CDKAL1: variants seen among roughly 807,000 people sequenced by gnomAD.
CDKAL1 encodes CDKAL1 threonylcarbamoyladenosine tRNA methylthiotransferase.
CDKAL1 carries 32 observed loss-of-function variants against 68.2 expected under a neutral mutation model. That is an observed-to-expected ratio of 0.47 (90% CI 0.35 to 0.63). CDKAL1 has a LOEUF of 0.63. Ranked by LOEUF, CDKAL1 falls within the 30% of genes least tolerant of loss-of-function variation. The pLI is 0.00. For missense variants in CDKAL1, 606 were observed against 696.7 expected (o/e 0.87, Z 1.47); for synonymous variants, 234 against 244.3 (o/e 0.96, Z 0.39).
intron 13 of CDKAL1, among the ~76,000 whole-genome samples, chr6:21,176,055 A>G (rs1777559809): frequency 6.6e-6 from 1 of 152,222 alleles, no homozygotes; most frequent in Admixed American, 6.5e-5. Context: ...CTCCTCATGA[A>G]GAGATCTCTA....
chr6:20,963,719 A>G (rs1197965552), intron 10 of CDKAL1, among the ~76,000 whole-genome samples: 1 of 152,202 alleles, frequency 6.6e-6, no homozygotes, highest in Admixed American at 6.5e-5. Context: ...GAGGAACACA[A>G]GAACATGCCT....
chr6:21,230,502 T>C (rs763718949), intron 15 of CDKAL1, among the ~76,000 whole-genome samples: 4 of 152,170 alleles, frequency 2.6e-5, no homozygotes, highest in African/African-American at 7.2e-5. Flanking sequence ...TGAGAAGATA[T>C]GGTTGCATCT....
At chr6:20,905,216 A>G (rs144388968) in intron 9 of CDKAL1, among the ~76,000 whole-genome samples, 1 of 152,362 alleles carries the variant, frequency 6.6e-6, no homozygotes, top group African/African-American at 2.4e-5. Flanking sequence ...AACAATGTAT[A>G]AACAAACTAG....
At chr6:21,052,537 GTTTT>G (rs66607398) in intron 11 of CDKAL1, among the ~76,000 whole-genome samples, 3 of 128,406 alleles carry the variant, frequency 2.3e-5, no homozygotes, top group Non-Finnish European at 4.8e-5. Flanking sequence ...TTAATTGGTT[GTTTT>G]TTTTTTTTTT....
intron 5 of CDKAL1, among the ~76,000 whole-genome samples, chr6:20,693,389 T>C (rs951716227): frequency 3.9e-5 from 6 of 152,198 alleles, no homozygotes; most frequent in African/African-American, 1.4e-4. Context: ...AGATAATTCT[T>C]TTATTCAATT....
At chr6:20,859,813 C>G (rs1256275354) in intron 9 of CDKAL1, among the ~76,000 whole-genome samples, 1 of 152,198 alleles carries the variant, frequency 6.6e-6, no homozygotes, top group Non-Finnish European at 1.5e-5. Context: ...GCTGCACTTT[C>G]CATTCCAGAT....
intron 8 of CDKAL1, among the ~76,000 whole-genome samples, chr6:20,821,224 G>A (rs1249184624): frequency 6.6e-6 from 1 of 152,124 alleles, no homozygotes; most frequent in Non-Finnish European, 1.5e-5. Context: ...ATGACCTGAT[G>A]GAGTTTTCAG....
chr6:20,984,792 G>GCTTCTCC (rs1766353698), intron 10 of CDKAL1, among the ~76,000 whole-genome samples: 1 of 119,908 alleles, frequency 8.3e-6, no homozygotes, highest in African/African-American at 3.2e-5. Context: ...TGAGCCTGGG[G>GCTTCTCC]TTTTTATGGG....
chr6:20,697,846 A>G (rs1233280488), intron 5 of CDKAL1, among the ~76,000 whole-genome samples: 4 of 152,164 alleles, frequency 2.6e-5, no homozygotes, highest in East Asian at 1.9e-4. Context: ...AATCATTGCT[A>G]TCTCCTGGTA....
At chr6:21,192,306 C>A (rs371502961) in intron 13 of CDKAL1, among the ~76,000 whole-genome samples, 2 of 151,792 alleles carry the variant, frequency 1.3e-5, no homozygotes, top group African/African-American at 4.8e-5. Context: ...CAGGCGTGAG[C>A]CACCGCGCCC....
intron 5 of CDKAL1, among the ~76,000 whole-genome samples, chr6:20,710,364 A>G (rs1001803798): frequency 5.3e-5 from 8 of 152,178 alleles, no homozygotes; most frequent in Admixed American, 1.3e-4. Context: ...ATAGTTGCCT[A>G]CAGTGTTTAG....
intron 9 of CDKAL1, among the ~76,000 whole-genome samples, chr6:20,860,961 G>T (rs530230495): frequency 4.4e-5 from 6 of 136,378 alleles, no homozygotes; most frequent in African/African-American, 1.7e-4. Context: ...TTTAGAGAAA[G>T]CGTAAGCGTA....
rs2150932836 is a variant in CDKAL1 at position 21,065,217 on chromosome 6, C to T, written c.1225C>T (p.Pro409Ser). The change falls in exon 12 of 16, where the codon CCA (proline) becomes TCA (serine). Residue 409 changes from proline (P) to serine (S), a missense_variant. Physicochemically the swap from Pro to Ser is moderately conservative, Grantham distance 74. Coordinates refer to ENST00000274695, the MANE Select transcript of CDKAL1 (RefSeq NM_017774.3). The stretch of plus-strand genomic sequence containing the variant: ...TCCTGCTGCAAAAATGGAACAAGTT[C>T]CAGCACAAGTGGTAAGATCTTTTTC... ...GTPAAKMEQV[P>S]AQVKKQRTKD... 6.2e-7 allele frequency: 1 copy of T among 1,606,020 alleles called. No homozygotes were observed. Among genetic ancestry groups the T allele is most frequent in the African/African-American group, 1.3e-5 (1 of 74,664 alleles).
chr6:20,929,556 A>C (rs981160283), intron 9 of CDKAL1, among the ~76,000 whole-genome samples: 1 of 152,228 alleles, frequency 6.6e-6, no homozygotes, highest in African/African-American at 2.4e-5. Flanking sequence ...ATTTGACGTT[A>C]CTGCCAGTGA....
intron 9 of CDKAL1, among the ~76,000 whole-genome samples, chr6:20,911,094 A>C (rs6456385): frequency 0.62 from 94,625 of 152,170 alleles, 29,695 homozygotes; most frequent in African/African-American, 0.71. Context: ...ATGTAATGCA[A>C]ACTAATAGCC....
intron 5 of CDKAL1, among the ~76,000 whole-genome samples, chr6:20,698,702 T>A (rs532372299): frequency 6.6e-6 from 1 of 152,170 alleles, no homozygotes; most frequent in African/African-American, 2.4e-5. Flanking sequence ...ACTAAACAAC[T>A]TTATTTTTAA....
chr6:20,860,854 A>C (rs1484252000), intron 9 of CDKAL1, among the ~76,000 whole-genome samples: 1 of 151,988 alleles, frequency 6.6e-6, no homozygotes, highest in Non-Finnish European at 1.5e-5. Context: ...GAATGAATAC[A>C]TGAATAAAAA....
At chr6:21,227,022 A>G (rs1444340689) in intron 15 of CDKAL1, among the ~76,000 whole-genome samples, 1 of 152,226 alleles carries the variant, frequency 6.6e-6, no homozygotes, top group Non-Finnish European at 1.5e-5. Flanking sequence ...TTGTTTTAAT[A>G]AGCAATAACA....
intron 11 of CDKAL1, among the ~76,000 whole-genome samples, chr6:21,033,005 GC>G (rs1769381608): frequency 6.6e-6 from 1 of 152,162 alleles, no homozygotes; most frequent in Non-Finnish European, 1.5e-5. Flanking sequence ...AGAGAAAGGT[GC>G]AGTCCAAGTG....
Sources: gnomAD v4.1 joint callset for allele counts (sites outside exome capture counted in the v4.1 genomes callset) on GRCh38, gnomAD v4.1.1 for gene constraint, MANE v1.5 for transcripts, NCBI Gene and HGNC (gene_info 2026-07-23, HGNC 2026-07-21) for gene names.